Variants in TENM3 observed in about 807,000 individuals in gnomAD.
TENM3 encodes the protein teneurin-3.
A neutral mutation model predicts 255.1 loss-of-function variants in TENM3; 63 were observed. The observed-to-expected ratio is 0.25, with a 90% CI of 0.20 to 0.30. The LOEUF is 0.30. Ranked by LOEUF, TENM3 falls within the 10% of genes least tolerant of loss-of-function variation. TENM3 has a pLI of 1.00. For missense variants in TENM3, 2,929 were observed against 3,461.1 expected (o/e 0.85, Z 3.86); for synonymous variants, 1,306 against 1,322.3 (o/e 0.99, Z 0.27).
chr4:181,965,583 C>G, the TENM3 span, among the ~76,000 whole-genome samples: 1 of 152,194 alleles, frequency 6.6e-6, no homozygotes. Context: ...ATTCTCCAAC[C>G]TTACCCCCAA....
upstream of TENM3, among the ~76,000 whole-genome samples, chr4:182,238,648 T>C (rs1303809494): frequency 2.0e-5 from 3 of 152,112 alleles, no homozygotes; most frequent in Non-Finnish European, 4.4e-5. Flanking sequence ...ATTGGGTGAA[T>C]AAATAAGTGA....
the TENM3 span, among the ~76,000 whole-genome samples, chr4:182,104,503 CTTTTTTTTTTTTT>C: frequency 1.4e-4 from 9 of 66,138 alleles, no homozygotes; most frequent in Non-Finnish European, 2.2e-4. Context: ...ACTGTTGACT[CTTTTTTTTTTTTT>C]TTTTTTTTTT....
intron 22 of TENM3, among the ~76,000 whole-genome samples, chr4:182,765,426 A>G (rs1172225046): frequency 1.3e-5 from 2 of 152,034 alleles, no homozygotes; most frequent in Non-Finnish European, 2.9e-5. Context: ...CTTCCCTTGT[A>G]TTTTGCATCA....
chr4:182,044,691 T>G, the TENM3 span, among the ~76,000 whole-genome samples: 2 of 152,242 alleles, frequency 1.3e-5, no homozygotes, highest in Non-Finnish European at 2.9e-5. Context: ...GGCTATCATT[T>G]TTTTGTCAGT....
chr4:181,721,496 A>C, the TENM3 span, among the ~76,000 whole-genome samples: 1 of 120,034 alleles, frequency 8.3e-6, no homozygotes, highest in African/African-American at 3.0e-5. Flanking sequence ...GCTACTCGGG[A>C]GGCTGAGGCA....
intron 3 of TENM3, among the ~76,000 whole-genome samples, chr4:182,415,754 GC>G (rs1770317157): frequency 2.0e-5 from 3 of 152,090 alleles, no homozygotes; most frequent in South Asian, 4.1e-4. Context: ...ATAAATTATT[GC>G]TTATTGAACT....
At chr4:182,493,865 T>C (rs1257040548) in intron 3 of TENM3, among the ~76,000 whole-genome samples, 1 of 152,186 alleles carries the variant, frequency 6.6e-6, no homozygotes, top group Non-Finnish European at 1.5e-5. Flanking sequence ...CCCAAGATCA[T>C]GTTGACCTAG....
At chr4:182,349,233 C>T (rs1049274943) in intron 3 of TENM3, among the ~76,000 whole-genome samples, 6 of 152,226 alleles carry the variant, frequency 3.9e-5, no homozygotes, top group African/African-American at 1.2e-4. Context: ...TACTTTTAAA[C>T]AACGTTTTGA....
the TENM3 span, among the ~76,000 whole-genome samples, chr4:181,996,170 A>AT: frequency 6.6e-6 from 1 of 151,890 alleles, no homozygotes; most frequent in African/African-American, 2.4e-5. Context: ...AAAAAAAAAA[A>AT]AAAAAAATTA....
At chr4:182,085,357 A>T in the TENM3 span, among the ~76,000 whole-genome samples, 1 of 152,174 alleles carries the variant, frequency 6.6e-6, no homozygotes, top group African/African-American at 2.4e-5. Context: ...GCCCTGAACC[A>T]GTCCACAAAA....
Position 182,527,385 on chromosome 4 carries a change from A to ATCAT in TENM3, c.512-73537_512-73536insATTC, listed in dbSNP as rs1226099597. Among the ~76,000 whole-genome samples the ATCAT allele has an allele frequency of 2.6e-5, 4 of 152,284 alleles. No homozygotes were observed. The East Asian group carries it at 7.7e-4, about 29-fold the overall frequency. On this transcript the variant is annotated intron_variant, in intron 3 of 27. Coordinates refer to ENST00000511685, the MANE Select transcript of TENM3 (RefSeq NM_001080477.4). The stretch of plus-strand genomic sequence containing the variant: ...ACAGATGATCAAGTCATTCAGAAGA[A>ATCAT]TCGTTAGACTTTAAATGAAGGAAAG...
intron 3 of TENM3, among the ~76,000 whole-genome samples, chr4:182,540,819 C>T (rs76803272): frequency 1.6e-4 from 25 of 152,244 alleles, no homozygotes; most frequent in African/African-American, 6.0e-4. Flanking sequence ...TGAAGAGGAA[C>T]TGCATATGCT....
At chr4:181,971,572 G>C in the TENM3 span, among the ~76,000 whole-genome samples, 1 of 151,522 alleles carries the variant, frequency 6.6e-6, no homozygotes, top group African/African-American at 2.4e-5. Context: ...TTTTGGTTTT[G>C]GTTTTGTTTT....
chr4:181,848,294 T>A, the TENM3 span, among the ~76,000 whole-genome samples: 115 of 152,338 alleles, frequency 7.5e-4, 1 homozygote, highest in African/African-American at 2.2e-3. Flanking sequence ...CTAGTGACTC[T>A]TATTTTACAA....
the TENM3 span, among the ~76,000 whole-genome samples, chr4:182,103,543 C>G: frequency 6.6e-6 from 1 of 152,190 alleles, no homozygotes; most frequent in South Asian, 2.1e-4. Flanking sequence ...TCATGGCTCA[C>G]CTACATCTTC....
intron 3 of TENM3, among the ~76,000 whole-genome samples, chr4:182,531,399 T>G (rs1739769067): frequency 6.6e-6 from 1 of 152,188 alleles, no homozygotes; most frequent in South Asian, 2.1e-4. Flanking sequence ...GCTACAGATC[T>G]TGGCTGTGGA....
the TENM3 span, among the ~76,000 whole-genome samples, chr4:181,659,167 A>C: frequency 1.3e-5 from 2 of 152,230 alleles, no homozygotes; most frequent in African/African-American, 2.4e-5. Flanking sequence ...TTATTGCAAA[A>C]TATAGTAATT....
chr4:182,121,541 C>T, the TENM3 span, among the ~76,000 whole-genome samples: 2 of 152,182 alleles, frequency 1.3e-5, no homozygotes, highest in Non-Finnish European at 2.9e-5. Context: ...ATCACAATAA[C>T]GTGAGTCACA....
the TENM3 span, among the ~76,000 whole-genome samples, chr4:181,532,617 T>C: frequency 2.6e-5 from 4 of 152,346 alleles, no homozygotes; most frequent in East Asian, 3.9e-4. Context: ...CTTATACTTG[T>C]ATCAAGTCTT....
Sources: gnomAD v4.1 joint callset for allele counts (sites outside exome capture counted in the v4.1 genomes callset) on GRCh38, gnomAD v4.1.1 for gene constraint, MANE v1.5 for transcripts, NCBI Gene and HGNC (gene_info 2026-07-23, HGNC 2026-07-21) for gene names.